Variants in SH3GL3 observed in about 807,000 individuals in gnomAD.
The protein encoded by SH3GL3 is SH3 domain containing GRB2 like 3, endophilin A3, also known as endophilin-A3.
A neutral mutation model predicts 47.7 loss-of-function variants in SH3GL3; 33 were observed. The ratio of observed to expected loss-of-function variants is 0.69; its 90% confidence interval spans 0.52 to 0.92. The LOEUF is 0.92. SH3GL3 is among the 40% of genes least tolerant of loss of function. SH3GL3 has a pLI of 0.00. For synonymous variants in SH3GL3, 155 were observed against 148.8 expected (o/e 1.04, Z -0.30); for missense variants, 363 against 417.8 (o/e 0.87, Z 1.14).
chr15:83,449,110 T>G (rs956741077), intron 1 of SH3GL3, among the ~76,000 whole-genome samples: 2 of 152,032 alleles, frequency 1.3e-5, no homozygotes, highest in African/African-American at 4.8e-5. Context: ...GCACAGCGAG[T>G]TAAAGGCAGA....
chr15:83,474,483 A>G (rs946926391), intron 1 of SH3GL3, among the ~76,000 whole-genome samples: 6 of 152,134 alleles, frequency 3.9e-5, no homozygotes, highest in Admixed American at 1.3e-4. Context: ...GTGTGTGATT[A>G]ATTATTATGA....
chr15:83,590,935 AT>A (rs1436949171), intron 8 of SH3GL3, among the ~76,000 whole-genome samples: 1 of 152,148 alleles, frequency 6.6e-6, no homozygotes, highest in Non-Finnish European at 1.5e-5. Flanking sequence ...AGTCCAATGT[AT>A]TCATGTTTAG....
intron 1 of SH3GL3, among the ~76,000 whole-genome samples, chr15:83,479,798 G>C (rs1416778344): frequency 6.6e-6 from 1 of 152,094 alleles, no homozygotes; most frequent in Non-Finnish European, 1.5e-5. Context: ...AAGGTGGAAG[G>C]CTGTCTCTGC....
chr15:83,587,166 T>G, intron 7 of SH3GL3, 80 bp downstream of exon 7: 1 of 711,780 alleles, frequency 1.4e-6, no homozygotes, highest in Non-Finnish European at 2.4e-6. Context: ...TCTCTCCATC[T>G]CTCCATCTCC....
At chr15:83,490,602 C>A in intron 1 of SH3GL3, 1 of 517,804 alleles carries the variant, frequency 1.9e-6, no homozygotes, top group Non-Finnish European at 3.3e-6. Flanking sequence ...ACAGTTGGCC[C>A]CCCTACAACC....
chr15:83,608,062 TAAACCCATCTAATA>T (rs2060573857), intron 8 of SH3GL3, among the ~76,000 whole-genome samples: 1 of 152,098 alleles, frequency 6.6e-6, no homozygotes, highest in African/African-American at 2.4e-5. Context: ...CTTTATTAGT[TAAACCCATCTAATA>T]TAACCCGAGT....
intron 1 of SH3GL3, among the ~76,000 whole-genome samples, chr15:83,466,088 T>C (rs571106740): frequency 1.3e-5 from 2 of 152,346 alleles, no homozygotes; most frequent in South Asian, 4.1e-4. Flanking sequence ...TCTTCATTTC[T>C]ATAATTTTGT....
At chr15:83,584,796 C>T (rs1303124828) in intron 6 of SH3GL3, among the ~76,000 whole-genome samples, 1 of 152,194 alleles carries the variant, frequency 6.6e-6, no homozygotes, top group Non-Finnish European at 1.5e-5. Context: ...GGTCTCAACC[C>T]GGAAGTGGAA....
intron 8 of SH3GL3, among the ~76,000 whole-genome samples, chr15:83,591,227 C>T (rs573606942): frequency 5.3e-4 from 80 of 152,198 alleles, no homozygotes; most frequent in Non-Finnish European, 1.0e-3. Flanking sequence ...AGGCTGGTCT[C>T]GAACTCCTGA....
chr15:83,473,391 A>G (rs2040926243), intron 1 of SH3GL3, among the ~76,000 whole-genome samples: 1 of 151,990 alleles, frequency 6.6e-6, no homozygotes, highest in African/African-American at 2.4e-5. Context: ...GGATAAGGGT[A>G]CGGCCACATT....
chr15:83,583,864 C>T (rs760213290), intron 6 of SH3GL3, among the ~76,000 whole-genome samples: 33 of 152,230 alleles, frequency 2.2e-4, no homozygotes, highest in Non-Finnish European at 4.4e-4. Flanking sequence ...GGCCCATTAC[C>T]CCCTGAGCTT....
At chr15:83,473,392 C>T (rs887247459) in intron 1 of SH3GL3, among the ~76,000 whole-genome samples, 4 of 151,966 alleles carry the variant, frequency 2.6e-5, no homozygotes, top group African/African-American at 9.7e-5. Context: ...GATAAGGGTA[C>T]GGCCACATTT....
intron 1 of SH3GL3, among the ~76,000 whole-genome samples, chr15:83,462,832 G>C (rs142157181): frequency 1.9e-3 from 295 of 152,288 alleles, no homozygotes; most frequent in African/African-American, 6.9e-3. Flanking sequence ...TGGCCTTCTT[G>C]TTGCTCAAAT....
intron 1 of SH3GL3, among the ~76,000 whole-genome samples, chr15:83,458,685 G>A (rs1486141845): frequency 6.6e-6 from 1 of 152,144 alleles, no homozygotes; most frequent in Non-Finnish European, 1.5e-5. Context: ...CAGTGCAACA[G>A]TGGAAGACAC....
rs1417037672 is a variant in SH3GL3 at position 83,448,979 on chromosome 15, TGG to T, written c.45+1404_45+1405del. Among the ~76,000 whole-genome samples the T allele has an allele frequency of 6.6e-6, 1 of 152,164 alleles. No homozygotes were observed. The highest frequency in any genetic ancestry group is 1.5e-5 in the Non-Finnish European group (1 of 68,022). The stretch of plus-strand genomic sequence containing the variant: ...ACATTCACATGTCACTGGCCTGGGT[TGG>T]GGTGCATATCCTGACCTGCAGCTCA... On this transcript the variant is annotated intron_variant, in intron 1 of 8. Transcript: ENST00000427482. This position sits in a 1 kb window ranked among gnomAD's most constrained non-coding sequence, Gnocchi z 4.2.
the SH3GL3 span, among the ~76,000 whole-genome samples, chr15:83,627,409 AAAAAG>A: frequency 1.3e-5 from 2 of 152,008 alleles, no homozygotes; most frequent in African/African-American, 2.4e-5. Flanking sequence ...AAAAAAAAAA[AAAAAG>A]AAAAGAAAAG....
the SH3GL3 span, among the ~76,000 whole-genome samples, chr15:83,630,612 G>A: frequency 7.9e-5 from 12 of 152,164 alleles, no homozygotes; most frequent in African/African-American, 2.4e-4. Flanking sequence ...AGAACTATGA[G>A]CAAAGCAGGG....
At chr15:83,579,997 A>G (rs563513986) in intron 6 of SH3GL3, among the ~76,000 whole-genome samples, 119 of 152,286 alleles carry the variant, frequency 7.8e-4, no homozygotes, top group African/African-American at 2.8e-3. Context: ...AGAGAATGTG[A>G]CTAGTTGGGA....
chr15:83,590,513 G>A (rs1473446952), intron 8 of SH3GL3, among the ~76,000 whole-genome samples: 1 of 152,102 alleles, frequency 6.6e-6, no homozygotes, highest in Non-Finnish European at 1.5e-5. Context: ...TCAGAGTTGT[G>A]CTACCATTTC....
Sources: gnomAD v4.1 joint callset for allele counts (sites outside exome capture counted in the v4.1 genomes callset) on GRCh38, gnomAD v4.1.1 for gene constraint, Gnocchi (gnomAD v3.1) non-coding constraint, MANE v1.5 for transcripts, NCBI Gene and HGNC (gene_info 2026-07-23, HGNC 2026-07-21) for gene names.